Variants in PCGF3 observed in about 807,000 individuals in gnomAD.
PCGF3 encodes the protein polycomb group ring finger 3, also known as polycomb group RING finger protein 3.
In PCGF3, 7 loss-of-function variants were observed where a neutral mutation model predicts 33.1. That is an observed-to-expected ratio of 0.21 (90% CI 0.12 to 0.40). The LOEUF (loss-of-function observed/expected upper bound fraction) is 0.40, where lower values mean the gene tolerates loss of function less well. Among genes scored for constraint, PCGF3 ranks in the 10% least tolerant of loss-of-function variants. The pLI is 1.00. For missense variants in PCGF3, 211 were observed against 313.3 expected, an observed-to-expected ratio of 0.67 and a Z score of 2.46; for synonymous variants, 153 against 121.3, an observed-to-expected ratio of 1.26 and a Z score of -1.72.
At chr4:743,748 C>G in intron 7 of PCGF3, 164 bp downstream of exon 7, 1 of 563,542 alleles carries the variant, frequency 1.8e-6, no homozygotes. Context: ...TTCCTCCTCA[C>G]TCCTGGTACC....
chr4:718,431 C>T (rs1429627315), intron 1 of PCGF3, among the ~76,000 whole-genome samples: 1 of 152,140 alleles, frequency 6.6e-6, no homozygotes, highest in African/African-American at 2.4e-5. Context: ...GGGGTCCCAC[C>T]TTAGTGAATG....
At chr4:763,643 A>T (rs1745193617) in intron 9 of PCGF3, among the ~76,000 whole-genome samples, 1 of 152,198 alleles carries the variant, frequency 6.6e-6, no homozygotes, top group Non-Finnish European at 1.5e-5. Flanking sequence ...CCCTGTGGAG[A>T]ACAGCTTGGC....
rs1395334293 is a variant in PCGF3, at chr4:750,079, C to T, written c.462+5391C>T. Among the ~76,000 whole-genome samples the T allele has an allele frequency of 1.1e-3, 160 of 152,346 alleles. 4 individuals are homozygous for T. The highest frequency in any genetic ancestry group is 3.1e-4 in the Non-Finnish European group (21 of 68,028). On this transcript the variant is annotated intron_variant, in intron 8 of 10. Transcript: ENST00000362003. ...CTCAGTCTCCCAAAGTGCCAGGATT[C>T]CAGGCGTGAGCCCACGTGCCCGCCA...
At chr4:748,302 C>T (rs1157678761) in intron 8 of PCGF3, among the ~76,000 whole-genome samples, 20 of 151,890 alleles carry the variant, frequency 1.3e-4, no homozygotes, top group Non-Finnish European at 2.6e-4. Flanking sequence ...TGGGTTCAAG[C>T]GATTCTCCTG....
chr4:757,593 T>TTA (rs1376887949), intron 8 of PCGF3: 2 of 152,256 alleles, frequency 1.3e-5, no homozygotes, highest in Non-Finnish European at 2.9e-5. Flanking sequence ...GTGACACTGT[T>TTA]TACAACGTAG....
intron 1 of PCGF3, among the ~76,000 whole-genome samples, chr4:717,796 C>G (rs952704696): frequency 6.6e-6 from 1 of 152,202 alleles, no homozygotes; most frequent in South Asian, 2.1e-4. Flanking sequence ...GCGAGAGGGC[C>G]GAGAATGTCC....
At chr4:727,547 GTTTT>G (rs969710597) in intron 1 of PCGF3, among the ~76,000 whole-genome samples, 1 of 151,596 alleles carries the variant, frequency 6.6e-6, no homozygotes, top group African/African-American at 2.4e-5. Flanking sequence ...GCTGAGTTTT[GTTTT>G]TTTTAAATCA....
At chr4:748,571 C>A (rs1283758457) in intron 8 of PCGF3, among the ~76,000 whole-genome samples, 1 of 152,142 alleles carries the variant, frequency 6.6e-6, no homozygotes, top group African/African-American at 2.4e-5. Context: ...CACGTGTGTC[C>A]AACGTGGGAT....
chr4:753,599 C>T (rs974640727), intron 8 of PCGF3, among the ~76,000 whole-genome samples: 18 of 150,518 alleles, frequency 1.2e-4, no homozygotes, highest in East Asian at 2.0e-4. Flanking sequence ...GCCGAGATCA[C>T]GCCACTGCAC....
intron 7 of PCGF3, 47 bp downstream of exon 7, chr4:743,631 T>C (rs746808030): frequency 9.0e-7 from 1 of 1,114,958 alleles, no homozygotes. Context: ...ATCCCCTGCA[T>C]GAGGCCTTTT....
At chr4:719,323 C>A (rs1159085686) in intron 1 of PCGF3, among the ~76,000 whole-genome samples, 1 of 152,206 alleles carries the variant, frequency 6.6e-6, no homozygotes, top group Non-Finnish European at 1.5e-5. Context: ...GTTCCGTTTT[C>A]CTCCTAACCT....
chr4:710,644 T>C (rs538520011), intron 1 of PCGF3, among the ~76,000 whole-genome samples: 2 of 152,356 alleles, frequency 1.3e-5, no homozygotes, highest in East Asian at 3.9e-4. Context: ...GTCACCGTCA[T>C]GATTGAGATA....
intron 9 of PCGF3, among the ~76,000 whole-genome samples, chr4:764,187 G>T (rs528860638): frequency 7.9e-5 from 12 of 152,348 alleles, no homozygotes; most frequent in African/African-American, 1.9e-4. Flanking sequence ...GGTGACTAAT[G>T]TGCCCCCATG....
intron 10 of PCGF3, 110 bp downstream of exon 10, chr4:765,174 C>T (rs1164924558): frequency 9.5e-6 from 7 of 737,418 alleles, no homozygotes; most frequent in South Asian, 1.6e-5. Context: ...TGGCTCATGC[C>T]TGTAATCCCA....
At chr4:754,476 A>G (rs4690303) in intron 8 of PCGF3, among the ~76,000 whole-genome samples, 19,868 of 152,172 alleles carry the variant, frequency 0.13, 4,281 homozygotes, top group African/African-American at 0.45. Flanking sequence ...CCACCCATCC[A>G]GGCCAGAGCC....
intron 9 of PCGF3, among the ~76,000 whole-genome samples, chr4:763,682 G>T (rs1035231989): frequency 1.3e-5 from 2 of 152,072 alleles, no homozygotes; most frequent in Non-Finnish European, 2.9e-5. Flanking sequence ...ACACACTCTC[G>T]GCAAACCACC....
At chr4:725,646 G>C (rs1171119635) in intron 1 of PCGF3, among the ~76,000 whole-genome samples, 4 of 147,626 alleles carry the variant, frequency 2.7e-5, no homozygotes, top group East Asian at 4.2e-4. Context: ...CGCTGTGGCT[G>C]TGTGGGCTGC....
chr4:744,275 T>TG (rs1744217956), intron 7 of PCGF3, among the ~76,000 whole-genome samples: 1 of 152,252 alleles, frequency 6.6e-6, no homozygotes, highest in African/African-American at 2.4e-5. Flanking sequence ...GGGGCTGATG[T>TG]GGTCAGCACT....
At chr4:723,177 G>A (rs980942556) in intron 1 of PCGF3, among the ~76,000 whole-genome samples, 1 of 152,138 alleles carries the variant, frequency 6.6e-6, no homozygotes, top group Non-Finnish European at 1.5e-5. Context: ...CTCGGTCATC[G>A]CCATCCGCGC....
Sources: gnomAD v4.1 joint callset for allele counts (sites outside exome capture counted in the v4.1 genomes callset) on GRCh38, gnomAD v4.1.1 for gene constraint, MANE v1.5 for transcripts, NCBI Gene and HGNC (gene_info 2026-07-23, HGNC 2026-07-21) for gene names.